The following AUTS2 variants were observed in gnomAD, a reference collection of about 807,000 sequenced individuals.
AUTS2 encodes the protein activator of transcription and developmental regulator AUTS2, also known as autism susceptibility gene 2 protein.
Under a neutral mutation model 112.4 loss-of-function variants are expected in AUTS2, and 17 were observed. That is an observed-to-expected ratio of 0.15 (90% CI 0.10 to 0.23). The LOEUF (loss-of-function observed/expected upper bound fraction) is 0.23, where lower values mean the gene tolerates loss of function less well. AUTS2 is among the 10% of genes least tolerant of loss of function. The probability of loss-of-function intolerance (pLI) is 1.00; values close to 1 mark genes in which losing one functional copy is unlikely to be tolerated. For synonymous variants in AUTS2, 751 were observed against 702.7 expected (o/e 1.07, Z -1.09); for missense variants, 1,510 against 1,701.6 (o/e 0.89, Z 1.98).
chr7:70,418,107 GTGTGTC>G lies in AUTS2; in HGVS notation c.661-17639_661-17634del, dbSNP rs1554396558. On this transcript the variant is annotated intron_variant, in intron 4 of 18. Coordinates refer to ENST00000342771, the MANE Select transcript of AUTS2 (RefSeq NM_015570.4). ...TGTGTGTGTGTGTGTGTGTGTGTGT[GTGTGTC>G]TGTGTGTGTAGACGGGGTCTTACCA... is the stretch of plus-strand genomic sequence containing the variant. Among the ~76,000 whole-genome samples, 5 of 150,856 alleles carry G rather than the reference GTGTGTC, an allele frequency of 3.3e-5. 1 individual carries two copies. Among genetic ancestry groups the G allele is most frequent in the African/African-American group, 1.2e-4 (5 of 40,964 alleles).
At chr7:69,639,248 C>G (rs1012302143) in intron 1 of AUTS2, among the ~76,000 whole-genome samples, 5 of 152,188 alleles carry the variant, frequency 3.3e-5, no homozygotes, top group South Asian at 4.1e-4. Context: ...CTAGAGAGTA[C>G]TTATCTATTT....
chr7:69,925,080 A>G (rs775017830), intron 2 of AUTS2, among the ~76,000 whole-genome samples: 10 of 151,998 alleles, frequency 6.6e-5, no homozygotes, highest in Non-Finnish European at 1.3e-4. Flanking sequence ...TTCATATAAT[A>G]TTCCTTCATT....
chr7:70,757,898 C>T (rs1200316263), intron 6 of AUTS2, among the ~76,000 whole-genome samples: 5 of 146,554 alleles, frequency 3.4e-5, no homozygotes, highest in African/African-American at 1.0e-4. Flanking sequence ...CTCACTGCAC[C>T]CTCCGCCCAA....
At chr7:70,224,568 A>C (rs1811668549) in intron 4 of AUTS2, among the ~76,000 whole-genome samples, 1 of 152,178 alleles carries the variant, frequency 6.6e-6, no homozygotes, top group Admixed American at 6.5e-5. Context: ...GCTAAGGTTA[A>C]TTTGTTATTG....
intron 1 of AUTS2, among the ~76,000 whole-genome samples, chr7:69,849,503 C>T (rs2129529607): frequency 6.6e-6 from 1 of 152,252 alleles, no homozygotes; most frequent in African/African-American, 2.4e-5. Context: ...CTTTTTATAA[C>T]AACTTCTACC....
chr7:70,659,502 C>T (rs761849467), intron 5 of AUTS2, among the ~76,000 whole-genome samples: 1 of 152,102 alleles, frequency 6.6e-6, no homozygotes, highest in African/African-American at 2.4e-5. Context: ...CATGTGACCC[C>T]GGGCATGTTA....
intron 2 of AUTS2, among the ~76,000 whole-genome samples, chr7:70,106,259 T>G (rs1804761461): frequency 6.6e-6 from 1 of 152,202 alleles, no homozygotes; most frequent in Non-Finnish European, 1.5e-5. Flanking sequence ...TGTGAATAAG[T>G]GACACAGGAC....
rs1351656432 is a variant in AUTS2, at chr7:70,793,466, A to T, written c.*2470A>T. The T allele has an allele frequency of 6.6e-6, 1 of 152,018 alleles. No individual in the cohort carries two copies. The highest frequency in any genetic ancestry group is 1.5e-5 in the Non-Finnish European group (1 of 68,004). 9.4% of individuals were successfully genotyped at this position (152,018 alleles called of 1,614,324 possible). A position where few individuals can be genotyped will look rare whatever the true frequency, so the allele number is the denominator to read the frequency against. ...CTGTTTTGTTTTTTTCCATGATGTT[A>T]AAAAAACAAAAAAATGTTAAATTTT... On this transcript the variant is annotated 3_prime_UTR_variant, in exon 19 of 19. Coordinates refer to ENST00000342771, the MANE Select transcript of AUTS2 (RefSeq NM_015570.4).
intron 5 of AUTS2, among the ~76,000 whole-genome samples, chr7:70,536,543 C>T (rs979983183): frequency 3.4e-5 from 5 of 145,358 alleles, no homozygotes; most frequent in Non-Finnish European, 3.0e-5. Context: ...CTGATGATCC[C>T]GCTTCTGCTG....
chr7:70,450,607 C>T lies in AUTS2; in HGVS notation c.690+14826C>T, dbSNP rs140710538. 5.8e-3 allele frequency among the ~76,000 whole-genome samples: 884 copies of T among 152,192 alleles called. 7 individuals carry two copies. The highest frequency in any genetic ancestry group is 0.02 in the African/African-American group (823 of 41,514). On this transcript the variant is annotated intron_variant, in intron 5 of 18. Transcript: ENST00000342771. Reference sequence around the variant, plus strand: ...CAGTTCCATAAAAACAGGCCTTGCACGGCAAGATGAGAGTTTGGACTTGAT... The same window carrying T: ...CAGTTCCATAAAAACAGGCCTTGCATGGCAAGATGAGAGTTTGGACTTGAT...
intron 5 of AUTS2, among the ~76,000 whole-genome samples, chr7:70,690,674 A>C (rs76742601): frequency 0.026 from 3,898 of 152,338 alleles, 82 homozygotes; most frequent in Non-Finnish European, 0.035. Context: ...AAGAATTTGC[A>C]AGTATAGGCC....
chr7:70,485,436 T>C (rs184939807), intron 5 of AUTS2, among the ~76,000 whole-genome samples: 2 of 152,158 alleles, frequency 1.3e-5, no homozygotes, highest in East Asian at 1.9e-4. Context: ...TGCAAAGGCC[T>C]AAGAATGATA....
At chr7:70,062,344 C>T (rs1184052041) in intron 2 of AUTS2, among the ~76,000 whole-genome samples, 1 of 151,692 alleles carries the variant, frequency 6.6e-6, no homozygotes, top group Non-Finnish European at 1.5e-5. Context: ...GAAACCCTGT[C>T]TCTACTAAAA....
At position 69,779,338 on chromosome 7, in the gene AUTS2, T is replaced by C. The variant is rs973129012; in HGVS notation, c.310-119948T>C. ...AATTGGAAAGGTTATCTTTTCACATTGACTGCCCAGGCATTAGAAAGGATG... is the reference window on the plus strand; with the variant it reads ...AATTGGAAAGGTTATCTTTTCACATCGACTGCCCAGGCATTAGAAAGGATG... On this transcript the variant is annotated intron_variant, in intron 1 of 18. Coordinates refer to ENST00000342771, the MANE Select transcript of AUTS2 (RefSeq NM_015570.4). 9.2e-5 allele frequency among the ~76,000 whole-genome samples: 14 copies of C among 152,218 alleles called. 1 individual carries two copies. Among genetic ancestry groups the C allele is most frequent in the African/African-American group, 3.4e-4 (14 of 41,464 alleles).
intron 2 of AUTS2, among the ~76,000 whole-genome samples, chr7:70,083,950 GA>G (rs1368566201): frequency 1.5e-4 from 23 of 150,236 alleles, no homozygotes; most frequent in South Asian, 2.1e-4. Context: ...CCATCTCAAA[GA>G]AAAAAAAATG....
intron 5 of AUTS2, among the ~76,000 whole-genome samples, chr7:70,484,545 C>T (rs976198435): frequency 1.3e-5 from 2 of 152,200 alleles, no homozygotes; most frequent in South Asian, 4.1e-4. Context: ...TTACCTCCCT[C>T]CTCAGTATCC....
chr7:70,729,876 A>C (rs1424264519), intron 6 of AUTS2, among the ~76,000 whole-genome samples: 1 of 151,828 alleles, frequency 6.6e-6, no homozygotes, highest in East Asian at 1.9e-4. Flanking sequence ...GTATGTATGT[A>C]TGTATGTATG....
At chr7:70,110,934 C>T (rs534795751) in intron 2 of AUTS2, among the ~76,000 whole-genome samples, 8 of 143,016 alleles carry the variant, frequency 5.6e-5, no homozygotes, top group South Asian at 2.2e-4. Context: ...CGCAGTGGCG[C>T]GATCTCAGCT....
chr7:69,613,797 T>A (rs527414660), intron 1 of AUTS2, among the ~76,000 whole-genome samples: 35 of 152,356 alleles, frequency 2.3e-4, no homozygotes, highest in Middle Eastern at 3.4e-3. Context: ...TGTATTTTTT[T>A]AAAATCTATT....
Sources: gnomAD v4.1 joint callset for allele counts (sites outside exome capture counted in the v4.1 genomes callset) on GRCh38, gnomAD v4.1.1 for gene constraint, MANE v1.5 for transcripts, NCBI Gene and HGNC (gene_info 2026-07-23, HGNC 2026-07-21) for gene names.